The following RASGRP4 variants were observed in gnomAD, a reference collection of about 807,000 sequenced individuals.
RASGRP4 encodes the protein RAS guanyl releasing protein 4.
Under a neutral mutation model 84.4 loss-of-function variants are expected in RASGRP4, and 52 were observed. The observed-to-expected ratio is 0.62, with a 90% CI of 0.49 to 0.78. The LOEUF is 0.78. Ranked by LOEUF, RASGRP4 falls within the 30% of genes least tolerant of loss-of-function variation. The pLI is 0.00. For missense variants in RASGRP4, 760 were observed against 886.9 expected, an observed-to-expected ratio of 0.86 and a Z score of 1.82; for synonymous variants, 356 against 359.1, an observed-to-expected ratio of 0.99 and a Z score of 0.10.
chr19:38,413,121 C>T lies in RASGRP4; in HGVS notation c.1416+72G>A. On this transcript the variant is annotated intron_variant, in intron 11 of 16. Transcript: ENST00000615439. This position sits in a 1 kb window ranked among gnomAD's most constrained non-coding sequence, Gnocchi z 4.7. ...TGATCCCCATGGCCATAAGTCCCCA[C>T]CTCCAGGCTCAGGGTTCTACAGATG... is the stretch of plus-strand genomic sequence containing the variant. 1.9e-6 allele frequency: 3 copies of T among 1,577,398 alleles called. No homozygotes were observed. Among genetic ancestry groups the T allele is most frequent in the Non-Finnish European group, 1.7e-6 (2 of 1,146,940 alleles).
Position 38,413,020 on chromosome 19 carries a change from G to T in RASGRP4, c.1446C>A (p.Gly482=). 4 of 1,614,010 alleles carry T rather than the reference G, an allele frequency of 2.5e-6. No individual in the cohort carries two copies. The highest frequency in any genetic ancestry group is 3.4e-6 in the Non-Finnish European group (4 of 1,179,880). The change falls in exon 12 of 17, where the codon GGC becomes GGA. Residue 482 remains glycine, a synonymous_variant. Coordinates refer to ENST00000615439, the MANE Select transcript of RASGRP4 (RefSeq NM_170604.3). The surrounding 1 kb of genome is among the most constrained non-coding windows in gnomAD (Gnocchi z 4.7). ...AGTCCTCCTGAGAGATTGTTCCTCG[G>T]CCTTCAGGGTCATAATTCTTGAACA... ...ESVFKNYDPE[G]RGTISQEDFE... is the part of the protein sequence containing the mutation.
chr19:38,413,305 G>T lies in RASGRP4; in HGVS notation c.1312-8C>A. The T allele has an allele frequency of 6.2e-7, 1 of 1,611,638 alleles. No homozygotes were observed. The highest frequency in any genetic ancestry group is 1.1e-5 in the South Asian group (1 of 90,942). On this transcript the variant is annotated splice_polypyrimidine_tract_variant and splice_region_variant and intron_variant, in intron 10 of 16. Coordinates refer to ENST00000615439, the MANE Select transcript of RASGRP4 (RefSeq NM_170604.3). This position sits in a 1 kb window ranked among gnomAD's most constrained non-coding sequence, Gnocchi z 4.7. ...ATTGAAGGGGGAGGGTGGCTGGGGC[G>T]GGGACAGAGGAGCACAGTTAGTCAC...
chr19:38,421,290 A>G, intron 2 of RASGRP4, 90 bp from the exon 3 acceptor site: 1 of 927,080 alleles, frequency 1.1e-6, no homozygotes, highest in Non-Finnish European at 1.7e-6. Flanking sequence ...CCTGGTTCAA[A>G]GACCAGCTCT....
At position 38,426,197 on chromosome 19, in the gene RASGRP4, C is replaced by A; in HGVS notation, c.-106G>T. On this transcript the variant is annotated 5_prime_UTR_variant, in exon 1 of 17. It adds an upstream start codon to the 5' untranslated region. Coordinates refer to ENST00000615439, the MANE Select transcript of RASGRP4 (RefSeq NM_170604.3). ...TCAGCCCCTAGGGAGCTGGGGCCTC[C>A]TCGGTGCTTGGGAAGGAAAGAGGAA... 1 of 933,852 alleles carries A rather than the reference C, an allele frequency of 1.1e-6. No individual in the cohort carries two copies. Among genetic ancestry groups the A allele is most frequent in the East Asian group, 3.3e-5 (1 of 30,336 alleles). 57.8% of individuals were successfully genotyped at this position (933,852 alleles called of 1,614,324 possible). A position where few individuals can be genotyped will look rare whatever the true frequency, so the allele number is the denominator to read the frequency against.
Position 38,418,693 on chromosome 19 carries a change from C to T in RASGRP4, c.664-129G>A, listed in dbSNP as rs1327261520. On this transcript the variant is annotated intron_variant, in intron 6 of 16. Transcript: ENST00000615439. The surrounding 1 kb of genome is among the most constrained non-coding windows in gnomAD (Gnocchi z 4.6). Reference sequence around the variant, plus strand: ...CCGGAGTGACCTTTGTCATCTGTCCCCCAACCCTCAGGCTGCTACATGTCC... The same window carrying T: ...CCGGAGTGACCTTTGTCATCTGTCCTCCAACCCTCAGGCTGCTACATGTCC... 2 of 899,130 alleles carry T rather than the reference C, an allele frequency of 2.2e-6. No homozygotes were observed. Among genetic ancestry groups the T allele is most frequent in the Non-Finnish European group, 3.2e-6 (2 of 619,242 alleles). 55.7% of individuals were successfully genotyped at this position (899,130 alleles called of 1,614,324 possible).
In RASGRP4 at chr19:38,412,717, C is replaced by T. The variant is rs772263140; in HGVS notation, c.1635G>A (p.Glu545=). Residue 545 remains glutamate (E), a synonymous_variant, in exon 13 of 17, where the codon GAG becomes GAA. Coordinates refer to ENST00000615439, the MANE Select transcript of RASGRP4 (RefSeq NM_170604.3). This position sits in a 1 kb window ranked among gnomAD's most constrained non-coding sequence, Gnocchi z 4.6. ...LGLAFLHTFH[E]VTFRKPTFCD... is the part of the protein sequence containing the mutation. ...AGAAGGTAGGCTTTCGGAAGGTGAC[C>T]TCATGGAAGGTGTGCAGGAAGGCCA... 6.2e-7 allele frequency: 1 copy of T among 1,613,086 alleles called. No individual in the cohort carries two copies. Among genetic ancestry groups the T allele is most frequent in the South Asian group, 1.1e-5 (1 of 90,896 alleles).
intron 1 of RASGRP4, among the ~76,000 whole-genome samples, chr19:38,424,465 G>A (rs188336395): frequency 1.7e-3 from 251 of 152,102 alleles, no homozygotes; most frequent in African/African-American, 5.6e-3. Context: ...TGTCTCCCAG[G>A]CTGGAGCACA....
chr19:38,425,938 C>T (rs1006697225), intron 1 of RASGRP4, 131 bp downstream of exon 1: 39 of 648,584 alleles, frequency 6.0e-5, no homozygotes, highest in Non-Finnish European at 7.4e-5. Flanking sequence ...CTGAAGCATC[C>T]ACCTGGCCCC....
Position 38,412,659 on chromosome 19 carries a change from G to T in RASGRP4, c.1680+13C>A. 6.2e-7 allele frequency: 1 copy of T among 1,611,100 alleles called. No individual in the cohort carries two copies. Among genetic ancestry groups the T allele is most frequent in the Non-Finnish European group, 8.5e-7 (1 of 1,178,468 alleles). ...GATGGAACCTAAGGGTGGTGATGGG[G>T]TGGGGTGCTCACGAAGCCACTGCAG... On this transcript the variant is annotated intron_variant, in intron 13 of 16. Transcript: ENST00000615439. This position sits in a 1 kb window ranked among gnomAD's most constrained non-coding sequence, Gnocchi z 4.6.
rs1449227526 is a variant in RASGRP4 at position 38,412,131 on chromosome 19, G to GTTT, written c.1680+538_1680+540dup. ...TGTTGTTGTTGTTGTTGTTGTTGTTGTTTTTGAGACAGAATCTCGCTCTGT... is the reference window on the plus strand; with the variant it reads ...TGTTGTTGTTGTTGTTGTTGTTGTTGTTTTTTTTGAGACAGAATCTCGCTCTGT... On this transcript the variant is annotated intron_variant, in intron 13 of 16. Transcript: ENST00000615439. This position sits in a 1 kb window ranked among gnomAD's most constrained non-coding sequence, Gnocchi z 4.6. 1.4e-5 allele frequency among the ~76,000 whole-genome samples: 2 copies of GTTT among 140,598 alleles called. No homozygotes were observed. Among genetic ancestry groups the GTTT allele is most frequent in the East Asian group, 4.2e-4 (2 of 4,740 alleles). 92.2% of individuals were successfully genotyped at this position (140,598 alleles called of 152,430 possible). A position where few individuals can be genotyped will look rare whatever the true frequency, so the allele number is the denominator to read the frequency against.
At position 38,412,739 on chromosome 19, in the gene RASGRP4, G is replaced by T. The variant is rs1285888892; in HGVS notation, c.1613C>A (p.Ala538Asp). The T allele has an allele frequency of 6.2e-7, 1 of 1,612,246 alleles. No homozygotes were observed. The highest frequency in any genetic ancestry group is 1.7e-5 in the Admixed American group (1 of 59,630). Residue 538 changes from alanine (A) to aspartate (D), a missense_variant, in exon 13 of 17, where the codon GCC (alanine) becomes GAC (aspartate). Ala to Asp is a moderately radical substitution (Grantham distance 126). Transcript: ENST00000615439. The surrounding 1 kb of genome is among the most constrained non-coding windows in gnomAD (Gnocchi z 4.6). ...ASAICSKLGL[A>D]FLHTFHEVTF... The stretch of plus-strand genomic sequence containing the variant: ...GACCTCATGGAAGGTGTGCAGGAAG[G>T]CCAGGCCCAACTTGGAGCAGATGGC...
At position 38,413,570 on chromosome 19, in the gene RASGRP4, T is replaced by C; in HGVS notation, c.1231-96A>G. On this transcript the variant is annotated intron_variant, in intron 9 of 16. Transcript: ENST00000615439. The surrounding 1 kb of genome is among the most constrained non-coding windows in gnomAD (Gnocchi z 4.7). ...GGCTCTTCCCAAAGCCCCTCCTGGGTTCAAATCCTGGCATTACTGCTGTGG... is the reference window on the plus strand; with the variant it reads ...GGCTCTTCCCAAAGCCCCTCCTGGGCTCAAATCCTGGCATTACTGCTGTGG... 1 of 1,052,454 alleles carries C rather than the reference T, an allele frequency of 9.5e-7. No homozygotes were observed. The allele number at this position is 1,052,454 out of a possible 1,614,324, so 65.2% of individuals were successfully genotyped here. A position where few individuals can be genotyped will look rare whatever the true frequency, so the allele number is the denominator to read the frequency against.
rs1397843550 is a variant in RASGRP4, at chr19:38,414,842, G to A, written c.1230+6C>T. 6.3e-7 allele frequency: 1 copy of A among 1,579,476 alleles called. No homozygotes were observed. Among genetic ancestry groups the A allele is most frequent in the Admixed American group, 1.8e-5 (1 of 54,512 alleles). On this transcript the variant is annotated splice_donor_region_variant and intron_variant, in intron 9 of 16. Transcript: ENST00000615439. ...GCCCAGCCTGGGCGGGGCCAGGGGG[G>A]CTCACCGTGAGCAGGTGCAGCAGAT...
Position 38,417,132 on chromosome 19 carries a change from C to T in RASGRP4, c.874G>A (p.Ala292Thr). 6.4e-7 allele frequency: 1 copy of T among 1,563,270 alleles called. No individual in the cohort carries two copies. The highest frequency in any genetic ancestry group is 8.7e-7 in the Non-Finnish European group (1 of 1,153,704). The change falls in exon 8 of 17, where the codon GCA (alanine) becomes ACA (threonine). Residue 292 changes from alanine to threonine, a missense_variant. Ala to Thr is a moderately conservative substitution (Grantham distance 58, BLOSUM62 0). Transcript: ENST00000615439. The surrounding 1 kb of genome is among the most constrained non-coding windows in gnomAD (Gnocchi z 5.1). ...HQLQNFNTLM[A>T]VTGGLCHSAI... The stretch of plus-strand genomic sequence containing the variant: ...CTGTGACACAGGCCCCCTGTGACTG[C>T]CATCAGCGTGTTGAAATTCTGCAGC...
At chr19:38,414,319 A>T (rs998749520) in intron 9 of RASGRP4, among the ~76,000 whole-genome samples, 3 of 151,288 alleles carry the variant, frequency 2.0e-5, no homozygotes, top group Admixed American at 1.3e-4. Context: ...TTTTATTTTT[A>T]TTTATTTATT....
At chr19:38,414,237 A>G (rs1417605956) in intron 9 of RASGRP4, among the ~76,000 whole-genome samples, 1 of 149,230 alleles carries the variant, frequency 6.7e-6, no homozygotes, top group Non-Finnish European at 1.5e-5. Context: ...ACACTGTCTT[A>G]AAGACATTCT....
rs572533129 is a variant in RASGRP4 at position 38,413,667 on chromosome 19, C to G, written c.1231-193G>C. Among the ~76,000 whole-genome samples the G allele has an allele frequency of 6.6e-6, 1 of 152,114 alleles. No individual in the cohort carries two copies. Among genetic ancestry groups the G allele is most frequent in the Non-Finnish European group, 1.5e-5 (1 of 68,022 alleles). On this transcript the variant is annotated intron_variant, in intron 9 of 16. Coordinates refer to ENST00000615439, the MANE Select transcript of RASGRP4 (RefSeq NM_170604.3). The surrounding 1 kb of genome is among the most constrained non-coding windows in gnomAD (Gnocchi z 4.7). ...CTACAGAATGGGCACAGTAAGGGTCCCGACCTCATAGGGTTGTAAGGTGGA... is the reference window on the plus strand; with the variant it reads ...CTACAGAATGGGCACAGTAAGGGTCGCGACCTCATAGGGTTGTAAGGTGGA...
chr19:38,411,588 G>A, intron 13 of RASGRP4: 1 of 568,428 alleles, frequency 1.8e-6, no homozygotes, highest in Non-Finnish European at 3.1e-6. Flanking sequence ...GTGGGAGGTT[G>A]GGAGGCCAAG....
At chr19:38,424,550 G>A (rs1393914828) in intron 1 of RASGRP4, among the ~76,000 whole-genome samples, 1 of 149,048 alleles carries the variant, frequency 6.7e-6, no homozygotes, top group East Asian at 2.1e-4. Flanking sequence ...CTCCCAGGTA[G>A]CTGGGACTAC....
Sources: allele counts gnomAD v4.1 joint callset (sites outside exome capture counted in the v4.1 genomes callset), GRCh38; gene constraint gnomAD v4.1.1; non-coding constraint Gnocchi (gnomAD v3.1); transcripts MANE v1.5; gene names NCBI Gene and HGNC (gene_info 2026-07-23, HGNC 2026-07-21).